The following WNT9B variants were observed in gnomAD, a reference collection of about 807,000 sequenced individuals.
The protein encoded by WNT9B is Wnt family member 9B.
WNT9B carries 12 observed loss-of-function variants against 30.2 expected under a neutral mutation model. The ratio of observed to expected loss-of-function variants is 0.40; its 90% CI spans 0.26 to 0.64. WNT9B has a LOEUF of 0.64. Among genes scored for constraint, WNT9B ranks in the 30% least tolerant of loss-of-function variants. The pLI, the probability that WNT9B is intolerant of heterozygous loss-of-function variation, is 0.42. For missense variants in WNT9B, 442 were observed against 485.2 expected (o/e 0.91, Z 0.84); for synonymous variants, 218 against 216.9 (o/e 1.01, Z -0.05).
intron 1 of WNT9B, among the ~76,000 whole-genome samples, chr17:46,840,212 G>A (rs1407157682): frequency 4.0e-5 from 6 of 151,566 alleles, no homozygotes; most frequent in Non-Finnish European, 5.9e-5. Flanking sequence ...TTAGCCTCCC[G>A]AGTAGCTGGT....
At chr17:46,840,319 C>T (rs2084698329) in intron 1 of WNT9B, among the ~76,000 whole-genome samples, 1 of 152,102 alleles carries the variant, frequency 6.6e-6, no homozygotes, top group Non-Finnish European at 1.5e-5. Flanking sequence ...ATCTCCTGAC[C>T]TCATGATCCA....
intron 1 of WNT9B, among the ~76,000 whole-genome samples, chr17:46,866,620 G>C (rs2085142944): frequency 6.6e-6 from 1 of 152,070 alleles, no homozygotes; most frequent in African/African-American, 2.4e-5. Flanking sequence ...GGGTTTTTCA[G>C]GGTGGAAGCC....
chr17:46,860,606 G>A (rs75700840), intron 1 of WNT9B, among the ~76,000 whole-genome samples: 3,726 of 152,264 alleles, frequency 0.024, 156 homozygotes, highest in African/African-American at 0.086. Context: ...TGTATATATA[G>A]GTATTCAAAT....
At chr17:46,869,843 A>G (rs1184574339) in intron 1 of WNT9B, among the ~76,000 whole-genome samples, 1 of 151,962 alleles carries the variant, frequency 6.6e-6, no homozygotes, top group Non-Finnish European at 1.5e-5. Flanking sequence ...TACTAAAAAT[A>G]TGAAAATTAG....
chr17:46,858,843 T>C (rs1327089393), intron 1 of WNT9B, among the ~76,000 whole-genome samples: 3 of 152,116 alleles, frequency 2.0e-5, no homozygotes, highest in Non-Finnish European at 4.4e-5. Flanking sequence ...ATTTTTTATT[T>C]TTTTGTAGAG....
intron 1 of WNT9B, among the ~76,000 whole-genome samples, chr17:46,839,022 C>T (rs1017834408): frequency 6.6e-5 from 10 of 152,058 alleles, no homozygotes; most frequent in Non-Finnish European, 8.8e-5. Flanking sequence ...GGATTACAGG[C>T]GCCCGCCACC....
rs149278250 is a variant in WNT9B at position 46,853,240 on chromosome 17, C to G, written c.77+1525C>G. Among the ~76,000 whole-genome samples, 300 of 152,104 alleles carry G rather than the reference C, an allele frequency of 2.0e-3. 2 individuals are homozygous for G. Among genetic ancestry groups the G allele is most frequent in the African/African-American group, 5.5e-3 (227 of 41,474 alleles). On this transcript the variant is annotated intron_variant, in intron 1 of 3. Coordinates refer to ENST00000290015, the MANE Select transcript of WNT9B (RefSeq NM_003396.3). ...GTCACTTAACTTAACCTCTCTGTCTCTCAGTCTCTCAATCTGTAAAATGAA... is the reference window on the plus strand; with the variant it reads ...GTCACTTAACTTAACCTCTCTGTCTGTCAGTCTCTCAATCTGTAAAATGAA...
upstream of WNT9B, among the ~76,000 whole-genome samples, chr17:46,850,470 C>T (rs1342387356): frequency 6.6e-6 from 1 of 152,174 alleles, no homozygotes; most frequent in East Asian, 1.9e-4. Context: ...TCTCTCAGCC[C>T]CCTACCATGC....
rs148377822 is a variant in WNT9B at position 46,877,873 on chromosome 17, A to G, written c.*1155A>G. On this transcript the variant is annotated 3_prime_UTR_variant, in exon 4 of 4. Transcript: ENST00000290015. ...TCCTTGCTAAGCCTGGCTCCTGGGT[A>G]GCCTCCTTCAGTTCCTAATGGCCTC... Among the ~76,000 whole-genome samples, 181 of 152,316 alleles carry G rather than the reference A, an allele frequency of 1.2e-3. No individual in the cohort carries two copies. The highest frequency in any genetic ancestry group is 4.2e-3 in the African/African-American group (173 of 41,576).
At chr17:46,859,392 T>A (rs2084995779) in intron 1 of WNT9B, among the ~76,000 whole-genome samples, 1 of 152,238 alleles carries the variant, frequency 6.6e-6, no homozygotes, top group South Asian at 2.1e-4. Context: ...TTCAGTGCCA[T>A]TTGTTGAAAT....
downstream of WNT9B, among the ~76,000 whole-genome samples, chr17:46,884,520 C>G (rs996541412): frequency 6.6e-6 from 1 of 152,206 alleles, no homozygotes; most frequent in Non-Finnish European, 1.5e-5. Flanking sequence ...GCTTTCCTTT[C>G]CAGCCTGATG....
intron 3 of WNT9B, 76 bp from the exon 4 acceptor site, chr17:46,876,169 G>C: frequency 7.3e-7 from 1 of 1,372,400 alleles, no homozygotes; most frequent in Non-Finnish European, 9.9e-7. Flanking sequence ...GCCCTGCTGG[G>C]GTTGGTGCTC....
intron 1 of WNT9B, chr17:46,833,525 C>T (rs867242560): frequency 6.9e-6 from 3 of 437,752 alleles, no homozygotes; most frequent in African/African-American, 4.0e-5. Flanking sequence ...CTGAGCTTTC[C>T]GAGACACTGC....
rs751658882 is a variant in WNT9B, at chr17:46,877,161, G to A, written c.*443G>A. ...GGCAGTGCCAGCTGGAAGTGAAGGCGGGAGCCTGGCTGAGATGGGTCAATC... is the reference window on the plus strand; with the variant it reads ...GGCAGTGCCAGCTGGAAGTGAAGGCAGGAGCCTGGCTGAGATGGGTCAATC... On this transcript the variant is annotated 3_prime_UTR_variant, in exon 4 of 4. Transcript: ENST00000290015. 56 of 902,130 alleles carry A rather than the reference G, an allele frequency of 6.2e-5. No individual in the cohort carries two copies. The highest frequency in any genetic ancestry group is 7.0e-5 in the Non-Finnish European group (53 of 754,052). The allele number at this position is 902,130 out of a possible 1,614,324, so 55.9% of individuals were successfully genotyped here.
In WNT9B at chr17:46,876,395, G is replaced by T; in HGVS notation, c.751G>T (p.Ala251Ser). 4 of 1,613,924 alleles carry T rather than the reference G, an allele frequency of 2.5e-6. No homozygotes were observed. The highest frequency in any genetic ancestry group is 2.5e-6 in the Non-Finnish European group (3 of 1,180,048). Residue 251 changes from alanine to serine, a missense_variant, in exon 4 of 4, where the codon GCC becomes TCC. By Grantham distance (99) the Ala-to-Ser change is moderately conservative. Coordinates refer to ENST00000290015, the MANE Select transcript of WNT9B (RefSeq NM_003396.3). ...RYDSAVKVSS[A>S]TNEALGRLEL... Reference sequence around the variant, plus strand: ...TGACTCGGCTGTCAAGGTGTCCAGTGCCACCAATGAGGCCTTGGGCCGCCT... The same window carrying T: ...TGACTCGGCTGTCAAGGTGTCCAGTTCCACCAATGAGGCCTTGGGCCGCCT...
At chr17:46,883,701 T>A (rs1392984378), downstream of WNT9B, among the ~76,000 whole-genome samples, 1 of 152,152 alleles carries the variant, frequency 6.6e-6, no homozygotes, top group Non-Finnish European at 1.5e-5. Context: ...CGGGGAGTGC[T>A]GGGCACGGCC....
chr17:46,868,583 G>C (rs1288402555), intron 1 of WNT9B, among the ~76,000 whole-genome samples: 2 of 151,672 alleles, frequency 1.3e-5, no homozygotes, highest in Non-Finnish European at 2.9e-5. Context: ...GTGATGGAGT[G>C]AGACTCGATT....
chr17:46,838,502 C>A lies in WNT9B; in HGVS notation c.95+5062C>A, dbSNP rs367681480. Among the ~76,000 whole-genome samples, 4 of 151,894 alleles carry A rather than the reference C, an allele frequency of 2.6e-5. No individual in the cohort carries two copies. In the South Asian group the frequency reaches 8.4e-4, roughly 32 times the overall value. On this transcript the variant is annotated intron_variant, in intron 1 of 2. Transcript: ENST00000575372. ...ATTAGCTGGGCATGGTGGTATTCGCCCATAATCCTAGCTTCTCAGGAGGCT... is the reference window on the plus strand; with the variant it reads ...ATTAGCTGGGCATGGTGGTATTCGCACATAATCCTAGCTTCTCAGGAGGCT...
intron 1 of WNT9B, among the ~76,000 whole-genome samples, chr17:46,868,057 C>T (rs1360937603): frequency 6.6e-6 from 1 of 152,086 alleles, no homozygotes; most frequent in Non-Finnish European, 1.5e-5. Context: ...TGGAAGTTAG[C>T]CTGGGGAGCC....
Sources: allele counts gnomAD v4.1 joint callset (sites outside exome capture counted in the v4.1 genomes callset), GRCh38; gene constraint gnomAD v4.1.1; transcripts MANE v1.5; gene names NCBI Gene and HGNC (gene_info 2026-07-23, HGNC 2026-07-21).